The following MED13L variants were observed in gnomAD, a reference collection of about 807,000 sequenced individuals.
MED13L encodes the protein mediator complex subunit 13L, also known as mediator of RNA polymerase II transcription subunit 13-like.
Under a neutral mutation model 220.9 loss-of-function variants are expected in MED13L, and 7 were observed. That is an observed-to-expected ratio of 0.03 (90% confidence interval 0.02 to 0.06). The LOEUF is 0.06. Ranked by LOEUF, MED13L falls within the 10% of genes least tolerant of loss-of-function variation. The pLI, the probability that MED13L is intolerant of heterozygous loss-of-function variation, is 1.00. For synonymous variants in MED13L, 1,011 were observed against 1,015.2 expected (o/e 1.00, Z 0.08); for missense variants, 1,965 against 2,760.5 (o/e 0.71, Z 6.46).
intron 2 of MED13L, among the ~76,000 whole-genome samples, chr12:116,231,721 A>C (rs1445019426): frequency 6.6e-6 from 1 of 152,224 alleles, no homozygotes; most frequent in Non-Finnish European, 1.5e-5. Flanking sequence ...AGAGTGCTTC[A>C]CATTCTCATT....
chr12:116,012,518 G>A (rs573947259), intron 9 of MED13L, among the ~76,000 whole-genome samples: 1 of 152,100 alleles, frequency 6.6e-6, no homozygotes, highest in Admixed American at 6.6e-5. Context: ...GTCATTTAAA[G>A]GGCTAAGAAC....
chr12:116,259,922 A>G (rs973794102), intron 1 of MED13L, among the ~76,000 whole-genome samples: 1 of 151,592 alleles, frequency 6.6e-6, no homozygotes, highest in African/African-American at 2.4e-5. Context: ...TTATAAGCAC[A>G]TGGGAAATGT....
intron 4 of MED13L, among the ~76,000 whole-genome samples, chr12:116,083,488 G>A (rs1291545585): frequency 1.3e-5 from 2 of 150,460 alleles, no homozygotes; most frequent in African/African-American, 4.9e-5. Context: ...AAGCACAGAA[G>A]CAGAAACATA....
chr12:116,095,573 A>C (rs1185582918), intron 4 of MED13L, among the ~76,000 whole-genome samples: 1 of 152,226 alleles, frequency 6.6e-6, no homozygotes, highest in Non-Finnish European at 1.5e-5. Context: ...ATGAGGCAGG[A>C]GTTTCCAGCT....
chr12:116,066,780 A>G (rs1192752585), intron 4 of MED13L, among the ~76,000 whole-genome samples: 2 of 151,686 alleles, frequency 1.3e-5, no homozygotes, highest in South Asian at 2.1e-4. Context: ...AAAACTCTAG[A>G]GCAAAAGCGC....
At chr12:116,007,381 A>T (rs1448694402) in intron 11 of MED13L, 30 bp downstream of exon 11, 1 of 1,575,540 alleles carries the variant, frequency 6.3e-7, no homozygotes, top group African/African-American at 1.3e-5. Flanking sequence ...AACCCACACC[A>T]TGCTGGACTC....
chr12:115,972,158 A>T lies in MED13L; in HGVS notation c.5810T>A (p.Ile1937Asn), dbSNP rs768063586. Residue 1937 changes from isoleucine to asparagine, a missense_variant, in exon 26 of 31, where the codon ATC (isoleucine) becomes AAC (asparagine). Around this residue, in one of 10 missense-constraint regions of MED13L, gnomAD observed 23 missense variants for 20.4 expected, o/e 1.12. Transcript: ENST00000281928. Reference sequence around the variant, plus strand: ...GATAGAAGGAGAGTCTGCGGCAGAGATTCCACACATCCGGCACACATCCTT... The same window carrying T: ...GATAGAAGGAGAGTCTGCGGCAGAGTTTCCACACATCCGGCACACATCCTT... ...KLKDVCRMCG[I>N]SAADSPSILS... The T allele has an allele frequency of 1.9e-6, 3 of 1,614,042 alleles. 1 individual carries two copies. In the South Asian group the frequency reaches 3.3e-5, roughly 18 times the overall value.
chr12:116,205,321 G>GT (rs890490727), intron 2 of MED13L, among the ~76,000 whole-genome samples: 52 of 151,452 alleles, frequency 3.4e-4, no homozygotes, highest in African/African-American at 1.2e-3. Flanking sequence ...TTCAAGTCGT[G>GT]TTTTTTTTAA....
chr12:116,181,602 G>C (rs1368795934), intron 2 of MED13L, among the ~76,000 whole-genome samples: 2 of 152,092 alleles, frequency 1.3e-5, no homozygotes, highest in African/African-American at 4.8e-5. Context: ...CCACCTCCCG[G>C]GTTTAAGCAG....
At chr12:116,021,382 C>T (rs1477377776) in intron 5 of MED13L, among the ~76,000 whole-genome samples, 1 of 152,000 alleles carries the variant, frequency 6.6e-6, no homozygotes, top group Non-Finnish European at 1.5e-5. Context: ...TCAGATGGTC[C>T]TCAGCACTTT....
At position 116,031,756 on chromosome 12, in the gene MED13L, AAAAGAAGGAAGGAAGG is replaced by A. The variant is rs1880836534; in HGVS notation, c.480-9171_480-9156del. On this transcript the variant is annotated intron_variant, in intron 4 of 30. Coordinates refer to ENST00000281928, the MANE Select transcript of MED13L (RefSeq NM_015335.5). Reference sequence around the variant, plus strand: ...AAAAGAAAAGAAAAGAAAAGAAAAGAAAAGAAGGAAGGAAGGAAGGAAGGAAGGAAGGAAGGAAGGA... The same window carrying A: ...AAAAGAAAAGAAAAGAAAAGAAAAGAAAGGAAGGAAGGAAGGAAGGAAGGA... Among the ~76,000 whole-genome samples, 10 of 21,808 alleles carry A rather than the reference AAAAGAAGGAAGGAAGG, an allele frequency of 4.6e-4. 1 individual carries two copies. Among genetic ancestry groups the A allele is most frequent in the Middle Eastern group, 0.029 (1 of 34 alleles). The allele number at this position is 21,808 out of a possible 152,430, so 14.3% of individuals were successfully genotyped here. A position where few individuals can be genotyped will look rare whatever the true frequency, so the allele number is the denominator to read the frequency against.
chr12:115,991,849 T>C lies in MED13L; in HGVS notation c.3105A>G (p.Ala1035=). 6.2e-7 allele frequency: 1 copy of C among 1,609,900 alleles called. No individual in the cohort carries two copies. Among genetic ancestry groups the C allele is most frequent in the Non-Finnish European group, 8.5e-7 (1 of 1,179,960 alleles). ...GGGTTGCTGGAGATGGTAGGACTCC[T>C]GCCCCACTATTGCTGGCTGGGGCAG... ...NSAAPASNSG[A]GVLPSPATPR... is the part of the protein sequence containing the mutation. Residue 1035 remains alanine, a synonymous_variant, in exon 17 of 31, where the codon GCA becomes GCG. Transcript: ENST00000281928. The surrounding 1 kb of genome is among the most constrained non-coding windows in gnomAD (Gnocchi z 7.7).
At chr12:116,247,645 T>C (rs956934679) in intron 1 of MED13L, among the ~76,000 whole-genome samples, 5 of 152,164 alleles carry the variant, frequency 3.3e-5, no homozygotes, top group African/African-American at 4.8e-5. Context: ...AAATACAATG[T>C]GGTATTCCTC....
At chr12:116,206,579 A>G (rs1882346478) in intron 2 of MED13L, among the ~76,000 whole-genome samples, 1 of 152,188 alleles carries the variant, frequency 6.6e-6, no homozygotes, top group African/African-American at 2.4e-5. Context: ...AATATACAAA[A>G]TTAGCAAGCC....
At chr12:115,982,683 G>GA in intron 21 of MED13L, 80 bp from the exon 22 acceptor site, 1 of 1,166,678 alleles carries the variant, frequency 8.6e-7, no homozygotes, top group African/African-American at 1.5e-5. Context: ...CTCAATTCTA[G>GA]AGCACACAGG....
intron 9 of MED13L, among the ~76,000 whole-genome samples, chr12:116,011,886 G>A (rs993122831): frequency 9.9e-5 from 15 of 152,154 alleles, no homozygotes; most frequent in Middle Eastern, 3.2e-3. Context: ...GTGTACACAC[G>A]CAGCAGTCTG....
chr12:116,108,077 G>A (rs956216169), intron 3 of MED13L, among the ~76,000 whole-genome samples: 8 of 151,036 alleles, frequency 5.3e-5, no homozygotes, highest in African/African-American at 9.7e-5. Flanking sequence ...GCAACAGAGC[G>A]AGACTCCATC....
At position 116,276,844 on chromosome 12, in the gene MED13L, A is replaced by C. The variant is rs1047948721; in HGVS notation, c.72+216T>G. On this transcript the variant is annotated intron_variant, in intron 1 of 30. Transcript: ENST00000281928. Reference sequence around the variant, plus strand: ...AAATTCCACGCCGAGCGCCGCGCTCACAAATGATTTTTAAAGAGCCAAATA... The same window carrying C: ...AAATTCCACGCCGAGCGCCGCGCTCCCAAATGATTTTTAAAGAGCCAAATA... 9.5e-6 allele frequency: 10 copies of C among 1,056,548 alleles called. No homozygotes were observed. The African/African-American group carries it at 1.3e-4, about 14-fold the overall frequency. 65.4% of individuals were successfully genotyped at this position (1,056,548 alleles called of 1,614,324 possible). A position where few individuals can be genotyped will look rare whatever the true frequency, so the allele number is the denominator to read the frequency against.
intron 4 of MED13L, among the ~76,000 whole-genome samples, chr12:116,092,376 G>C (rs1413681603): frequency 6.6e-6 from 1 of 152,228 alleles, no homozygotes; most frequent in Non-Finnish European, 1.5e-5. Flanking sequence ...TGGGGAAAAA[G>C]AGGAGGATGG....
Sources: allele counts gnomAD v4.1 joint callset (sites outside exome capture counted in the v4.1 genomes callset), GRCh38; gene constraint gnomAD v4.1.1; regional missense constraint gnomAD v4.1.1; non-coding constraint Gnocchi (gnomAD v3.1); transcripts MANE v1.5; gene names NCBI Gene and HGNC (gene_info 2026-07-23, HGNC 2026-07-21).